The following PSTPIP1 variants were observed in gnomAD, a reference collection of about 807,000 sequenced individuals.
PSTPIP1 encodes proline-serine-threonine phosphatase-interacting protein 1.
PSTPIP1 carries 66 observed loss-of-function variants against 69.6 expected under a neutral mutation model. The observed-to-expected ratio is 0.95, with a 90% CI of 0.78 to 1.16. PSTPIP1 has a LOEUF of 1.16. Among genes scored for constraint, PSTPIP1 ranks in the 50% most tolerant of loss-of-function variants. The pLI is 0.00. For synonymous variants in PSTPIP1, 266 were observed against 222.7 expected (o/e 1.19, Z -1.73); for missense variants, 603 against 557.4 (o/e 1.08, Z -0.82).
At chr15:77,023,127 C>T (rs1172124150) in intron 3 of PSTPIP1, among the ~76,000 whole-genome samples, 1 of 152,238 alleles carries the variant, frequency 6.6e-6, no homozygotes, top group African/African-American at 2.4e-5. Flanking sequence ...AGCCTGAGAC[C>T]ATGAACCGGG....
chr15:77,026,644 G>A (rs1268919071), intron 5 of PSTPIP1, among the ~76,000 whole-genome samples: 1 of 152,248 alleles, frequency 6.6e-6, no homozygotes, highest in Non-Finnish European at 1.5e-5. Context: ...TAGCAGCTCT[G>A]CTGGCAGAAA....
rs776205276 is a variant in PSTPIP1 at position 77,028,541 on chromosome 15, T to C, written c.418-13T>C. The stretch of plus-strand genomic sequence containing the variant: ...CTGTGCAGCCCCCAAGTCACGCCCC[T>C]CCACACCCCCAGTCCAAGAAGACAT... On this transcript the variant is annotated splice_polypyrimidine_tract_variant and intron_variant, in intron 6 of 14. Transcript: ENST00000558012. The C allele has an allele frequency of 6.9e-6, 11 of 1,590,298 alleles. No individual in the cohort carries two copies. In the Admixed American group the frequency reaches 1.9e-4, roughly 28 times the overall value.
chr15:77,007,683 C>T lies in PSTPIP1; in HGVS notation c.37-10465C>T, dbSNP rs2075843615. On this transcript the variant is annotated intron_variant, in intron 1 of 14. Transcript: ENST00000558012. ...AATCTCAGCTCACTGCAAGCTCCGC[C>T]TCCTGGGTTCACGCCATTCTCCTGC... Among the ~76,000 whole-genome samples the T allele has an allele frequency of 2.0e-5, 3 of 151,952 alleles. No homozygotes were observed. In the South Asian group the frequency reaches 6.2e-4, roughly 32 times the overall value.
At chr15:77,031,983 GGCTGT>G (rs1184327240) in intron 10 of PSTPIP1, among the ~76,000 whole-genome samples, 1 of 152,216 alleles carries the variant, frequency 6.6e-6, no homozygotes, top group Non-Finnish European at 1.5e-5. Flanking sequence ...CCCAAGGCCT[GGCTGT>G]GCTGCATTCT....
chr15:77,020,972 C>G (rs1193721333), intron 3 of PSTPIP1, among the ~76,000 whole-genome samples: 1 of 152,170 alleles, frequency 6.6e-6, no homozygotes, highest in African/African-American at 2.4e-5. Flanking sequence ...GTAGGGGAAG[C>G]CCCTGGCCTC....
rs999247133 is a variant in PSTPIP1 at position 77,007,741 on chromosome 15, C to T, written c.37-10407C>T. ...TCCCGAGTAGCTGGGACTACAGGCACCCACCACCATGCCCAGCTAATTTTT... is the reference window on the plus strand; with the variant it reads ...TCCCGAGTAGCTGGGACTACAGGCATCCACCACCATGCCCAGCTAATTTTT... On this transcript the variant is annotated intron_variant, in intron 1 of 14. Coordinates refer to ENST00000558012, the MANE Select transcript of PSTPIP1 (RefSeq NM_003978.5). 39 of 362,994 alleles carry T rather than the reference C, an allele frequency of 1.1e-4. 1 individual carries two copies. The Admixed American group carries it at 1.2e-3, about 12-fold the overall frequency. 22.5% of individuals were successfully genotyped at this position (362,994 alleles called of 1,614,324 possible). A position where few individuals can be genotyped will look rare whatever the true frequency, so the allele number is the denominator to read the frequency against.
In PSTPIP1 at chr15:77,037,158, C is replaced by T. The variant is rs538042433; in HGVS notation, c.1233C>T (p.Ser411=). Residue 411 remains serine (S), a synonymous_variant, in exon 15 of 15, where the codon TCC becomes TCT. Coordinates refer to ENST00000558012, the MANE Select transcript of PSTPIP1 (RefSeq NM_003978.5). ...GGCAGCGTGGCTTCGTCCCTGGTTC[C>T]TACCTGGAGAAGCTTTGAGGAAGGG... is the stretch of plus-strand genomic sequence containing the variant. ...RNGQRGFVPG[S]YLEKL 88 of 1,609,858 alleles carry T rather than the reference C, an allele frequency of 5.5e-5. 1 individual carries two copies. The South Asian group carries it at 7.5e-4, about 14-fold the overall frequency.
chr15:77,011,060 T>G (rs1039264157), intron 1 of PSTPIP1, among the ~76,000 whole-genome samples: 22 of 152,260 alleles, frequency 1.4e-4, no homozygotes, highest in African/African-American at 5.3e-4. Context: ...GGCAGTGGGG[T>G]GCTTTCCTGC....
chr15:77,029,559 T>G lies in PSTPIP1; in HGVS notation c.547T>G (p.Ser183Ala). 1 of 1,583,202 alleles carries G rather than the reference T, an allele frequency of 6.3e-7. No individual in the cohort carries two copies. The highest frequency in any genetic ancestry group is 1.3e-5 in the African/African-American group (1 of 74,210). ...SQNKARQCKDSATEAERVYRQ... is the reference protein window; with the variant it reads ...SQNKARQCKDAATEAERVYRQ... Reference sequence around the variant, plus strand: ...GAACAAAGCCAGGCAGTGCAAGGACTCGGCCACCGAGGCAGGTATGTGGGC... The same window carrying G: ...GAACAAAGCCAGGCAGTGCAAGGACGCGGCCACCGAGGCAGGTATGTGGGC... The change falls in exon 8 of 15, where the codon TCG (serine) becomes GCG (alanine). Residue 183 changes from serine to alanine, a missense_variant. Ser to Ala is a moderately conservative substitution (Grantham distance 99, BLOSUM62 1). Transcript: ENST00000558012.
chr15:77,030,536 G>C lies in PSTPIP1; in HGVS notation c.597G>C (p.Glu199Asp). 6.2e-7 allele frequency: 1 copy of C among 1,612,576 alleles called. No homozygotes were observed. Among genetic ancestry groups the C allele is most frequent in the Non-Finnish European group, 8.5e-7 (1 of 1,179,484 alleles). ...ACAGGCAGAGCATTGCGCAGCTGGA[G>C]AAGGTCCGGGCTGAGTGGGAGCAGG... is the stretch of plus-strand genomic sequence containing the variant. ...RVYRQSIAQLEKVRAEWEQEH... is the reference protein window; with the variant it reads ...RVYRQSIAQLDKVRAEWEQEH... The change falls in exon 9 of 15, where the codon GAG becomes GAC. Residue 199 changes from glutamate to aspartate, a missense_variant. Coordinates refer to ENST00000558012, the MANE Select transcript of PSTPIP1 (RefSeq NM_003978.5).
intron 5 of PSTPIP1, among the ~76,000 whole-genome samples, chr15:77,025,821 G>C (rs955107322): frequency 5.3e-5 from 8 of 152,290 alleles, no homozygotes; most frequent in African/African-American, 1.7e-4. Flanking sequence ...TAGTCCCAGA[G>C]CCCCATGGAA....
In PSTPIP1 at chr15:77,027,764, G is replaced by C. The variant is rs562055559; in HGVS notation, c.355-88G>C. 3 of 1,468,028 alleles carry C rather than the reference G, an allele frequency of 2.0e-6. No individual in the cohort carries two copies. In the Admixed American group the frequency reaches 5.9e-5, roughly 29 times the overall value. The allele number at this position is 1,468,028 out of a possible 1,614,324, so 90.9% of individuals were successfully genotyped here. On this transcript the variant is annotated intron_variant, in intron 5 of 14. Coordinates refer to ENST00000558012, the MANE Select transcript of PSTPIP1 (RefSeq NM_003978.5). The surrounding 1 kb of genome is among the most constrained non-coding windows in gnomAD (Gnocchi z 4.3). ...TCTCCAGAGCCAGGAGAGGTGCTGC[G>C]CCTCATCCCAGGGACACTCCGTCCT...
intron 6 of PSTPIP1, among the ~76,000 whole-genome samples, chr15:77,028,118 C>T (rs1420295429): frequency 6.6e-6 from 1 of 151,618 alleles, no homozygotes; most frequent in Non-Finnish European, 1.5e-5. Flanking sequence ...TGGTCCCGGG[C>T]CCTTCCCTTG....
At chr15:77,023,321 G>T (rs1415754422) in intron 3 of PSTPIP1, among the ~76,000 whole-genome samples, 3 of 152,274 alleles carry the variant, frequency 2.0e-5, no homozygotes, top group African/African-American at 7.2e-5. Context: ...GCCAGGCAAA[G>T]ATGCAGCAAT....
At chr15:77,008,512 C>T (rs2075866031) in intron 1 of PSTPIP1, among the ~76,000 whole-genome samples, 1 of 152,104 alleles carries the variant, frequency 6.6e-6, no homozygotes, top group Admixed American at 6.5e-5. Flanking sequence ...TGGGCTCAAG[C>T]AATTATCCTG....
At chr15:77,021,019 G>T (rs2076150384) in intron 3 of PSTPIP1, among the ~76,000 whole-genome samples, 1 of 152,218 alleles carries the variant, frequency 6.6e-6, no homozygotes. Flanking sequence ...TCTATGGGAT[G>T]CTCATTCCCT....
chr15:77,030,508 T>C lies in PSTPIP1; in HGVS notation c.569T>C (p.Val190Ala). Residue 190 changes from valine (V) to alanine (A), a missense_variant, in exon 9 of 15, where the codon GTA becomes GCA. Physicochemically the swap from Val to Ala is moderately conservative, Grantham distance 64. Coordinates refer to ENST00000558012, the MANE Select transcript of PSTPIP1 (RefSeq NM_003978.5). ...AGGCTGCCTGCGCTTTCAGAGCGGGTATACAGGCAGAGCATTGCGCAGCTG... is the reference window on the plus strand; with the variant it reads ...AGGCTGCCTGCGCTTTCAGAGCGGGCATACAGGCAGAGCATTGCGCAGCTG... ...CKDSATEAER[V>A]YRQSIAQLEK... 19 of 1,612,308 alleles carry C rather than the reference T, an allele frequency of 1.2e-5. No individual in the cohort carries two copies. The highest frequency in any genetic ancestry group is 1.6e-5 in the Non-Finnish European group (19 of 1,179,592).
intron 1 of PSTPIP1, among the ~76,000 whole-genome samples, chr15:76,996,725 G>A (rs2075589457): frequency 6.6e-6 from 1 of 152,254 alleles, no homozygotes; most frequent in Non-Finnish European, 1.5e-5. Flanking sequence ...GGCACCTTGT[G>A]CCTTTCTGGG....
At chr15:77,025,456 C>T (rs1267079941) in intron 4 of PSTPIP1, 42 bp from the exon 5 acceptor site, 1 of 1,583,342 alleles carries the variant, frequency 6.3e-7, no homozygotes, top group Non-Finnish European at 8.6e-7. Context: ...TGAGGCCCAT[C>T]AGATCTGACA....
Sources: allele counts gnomAD v4.1 joint callset (sites outside exome capture counted in the v4.1 genomes callset), GRCh38; gene constraint gnomAD v4.1.1; non-coding constraint Gnocchi (gnomAD v3.1); transcripts MANE v1.5; gene names NCBI Gene and HGNC (gene_info 2026-07-23, HGNC 2026-07-21).